The following ADAM19 variants were observed in gnomAD, a reference collection of about 807,000 sequenced individuals.
ADAM19 encodes the protein ADAM metallopeptidase domain 19, also known as disintegrin and metalloproteinase domain-containing protein 19.
Under a neutral mutation model 114.7 loss-of-function variants are expected in ADAM19, and 65 were observed. That is an observed-to-expected ratio of 0.57 (90% CI 0.46 to 0.70). The LOEUF (loss-of-function observed/expected upper bound fraction) is 0.70, where lower values mean the gene tolerates loss of function less well. Among genes scored for constraint, ADAM19 ranks in the 30% least tolerant of loss-of-function variants. The pLI is 0.00. For missense variants in ADAM19, 1,063 were observed against 1,204.7 expected (o/e 0.88, Z 1.74); for synonymous variants, 466 against 460.5 (o/e 1.01, Z -0.15).
Position 157,479,214 on chromosome 5 carries a change from C to A in ADAM19, c.*1735G>T. ...CTCATTTTCCTGAGATCTTTCTAAA[C>A]CCAACCCAGGCTTTTCCCCCAGGGG... On this transcript the variant is annotated 3_prime_UTR_variant, in exon 23 of 23. Transcript: ENST00000257527. 2 of 985,876 alleles carry A rather than the reference C, an allele frequency of 2.0e-6. No individual in the cohort carries two copies. The highest frequency in any genetic ancestry group is 2.4e-6 in the Non-Finnish European group (2 of 829,970). 61.1% of individuals were successfully genotyped at this position (985,876 alleles called of 1,614,324 possible).
At chr5:157,541,260 G>A (rs966820439) in intron 3 of ADAM19, among the ~76,000 whole-genome samples, 1 of 152,330 alleles carries the variant, frequency 6.6e-6, no homozygotes, top group Non-Finnish European at 1.5e-5. Flanking sequence ...CTCACCATTG[G>A]ATTGCATTAG....
chr5:157,527,499 C>T (rs756218337), intron 5 of ADAM19, among the ~76,000 whole-genome samples: 13 of 152,118 alleles, frequency 8.5e-5, no homozygotes, highest in Admixed American at 2.0e-4. Flanking sequence ...CGTAAGCCAC[C>T]GCACCCGGCC....
chr5:157,564,298 G>T, intron 3 of ADAM19, 75 bp downstream of exon 3: 2 of 1,412,330 alleles, frequency 1.4e-6, no homozygotes, highest in Non-Finnish European at 2.0e-6. Context: ...CTTCCTTCCA[G>T]AACAGCGACA....
chr5:157,574,763 G>C (rs1266641196), intron 1 of ADAM19, among the ~76,000 whole-genome samples: 2 of 152,206 alleles, frequency 1.3e-5, no homozygotes, highest in Admixed American at 1.3e-4. Flanking sequence ...GGGGATTGGT[G>C]TCTGGGAAAC....
Position 157,479,604 on chromosome 5 carries a change from C to G in ADAM19, c.*1345G>C. On this transcript the variant is annotated 3_prime_UTR_variant, in exon 23 of 23. Coordinates refer to ENST00000257527, the MANE Select transcript of ADAM19 (RefSeq NM_033274.5). ...CAGGAGCCACCGCAGACCCCCTCAC[C>G]TGCTCAGAGCTCTCTTTCTGTGAGG... The G allele has an allele frequency of 1.0e-6, 1 of 985,896 alleles. No individual in the cohort carries two copies. Among genetic ancestry groups the G allele is most frequent in the African/African-American group, 1.7e-5 (1 of 57,358 alleles). The allele number at this position is 985,896 out of a possible 1,614,324, so 61.1% of individuals were successfully genotyped here.
rs568142805 is a variant in ADAM19 at position 157,490,272 on chromosome 5, T to A, written c.2240+38A>T. 9.9e-6 allele frequency: 16 copies of A among 1,611,016 alleles called. No individual in the cohort carries two copies. In the South Asian group the frequency reaches 1.6e-4, roughly 17 times the overall value. On this transcript the variant is annotated intron_variant, in intron 19 of 22. Transcript: ENST00000257527. Reference sequence around the variant, plus strand: ...CATTTATGGAGACCTTTGTGACCCATAAATTGACCCTGAGTCCTCCATTGA... The same window carrying A: ...CATTTATGGAGACCTTTGTGACCCAAAAATTGACCCTGAGTCCTCCATTGA...
At chr5:157,560,655 T>C (rs1051607923) in intron 3 of ADAM19, among the ~76,000 whole-genome samples, 8 of 152,224 alleles carry the variant, frequency 5.3e-5, no homozygotes, top group South Asian at 2.1e-4. Context: ...CCAACAAAAA[T>C]AGCAGCTTCT....
chr5:157,528,103 C>T (rs552927444), intron 5 of ADAM19, among the ~76,000 whole-genome samples: 13 of 152,304 alleles, frequency 8.5e-5, no homozygotes, highest in Admixed American at 3.3e-4. Context: ...AGTGTTTTGA[C>T]GACATGGGTT....
rs531129498 is a variant in ADAM19, at chr5:157,560,041, G to A, written c.251+4332C>T. On this transcript the variant is annotated intron_variant, in intron 3 of 22. Coordinates refer to ENST00000257527, the MANE Select transcript of ADAM19 (RefSeq NM_033274.5). ...AGCACTTTGGGAGGCCGAGGCGGGC[G>A]GATCACGAGGTCAGGAGATCGAGAC... Among the ~76,000 whole-genome samples the A allele has an allele frequency of 5.3e-5, 8 of 151,904 alleles. No individual in the cohort carries two copies. The South Asian group carries it at 6.2e-4, about 12-fold the overall frequency.
At chr5:157,567,810 A>T (rs960902856) in intron 2 of ADAM19, among the ~76,000 whole-genome samples, 28 of 152,078 alleles carry the variant, frequency 1.8e-4, no homozygotes, top group Admixed American at 6.5e-4. Context: ...CAAAAAAAAA[A>T]AATAAAAAAG....
At chr5:157,564,524 G>C in intron 2 of ADAM19, 81 bp from the exon 3 acceptor site, 1 of 1,161,838 alleles carries the variant, frequency 8.6e-7, no homozygotes, top group South Asian at 1.2e-5. Flanking sequence ...CTAGCACAGC[G>C]CTCCAACATT....
At chr5:157,568,363 A>T (rs568195300) in intron 2 of ADAM19, 2 of 151,270 alleles carry the variant, frequency 1.3e-5, no homozygotes, top group African/African-American at 4.9e-5. Context: ...TTAAAAAAGG[A>T]TGTTCCCTTT....
intron 1 of ADAM19, among the ~76,000 whole-genome samples, chr5:157,573,083 G>C (rs1757875363): frequency 6.6e-6 from 1 of 152,108 alleles, no homozygotes; most frequent in African/African-American, 2.4e-5. Flanking sequence ...GCTCTGATAA[G>C]TCTATATTAT....
intron 3 of ADAM19, among the ~76,000 whole-genome samples, chr5:157,555,646 A>G (rs962262149): frequency 3.9e-5 from 6 of 152,214 alleles, no homozygotes; most frequent in African/African-American, 1.4e-4. Flanking sequence ...ATTGTCATAC[A>G]TTATCTCCTA....
At chr5:157,483,784 C>A (rs1754838569) in intron 21 of ADAM19, among the ~76,000 whole-genome samples, 1 of 152,044 alleles carries the variant, frequency 6.6e-6, no homozygotes, top group Non-Finnish European at 1.5e-5. Flanking sequence ...CAGGCACCCA[C>A]CACCATGCCC....
At chr5:157,516,159 G>A (rs1274492111) in intron 7 of ADAM19, among the ~76,000 whole-genome samples, 2 of 152,168 alleles carry the variant, frequency 1.3e-5, no homozygotes, top group Non-Finnish European at 2.9e-5. Context: ...AGGTGGAGAG[G>A]GGATGATTCG....
At chr5:157,574,217 A>G (rs1757907586) in intron 1 of ADAM19, among the ~76,000 whole-genome samples, 2 of 152,174 alleles carry the variant, frequency 1.3e-5, no homozygotes, top group Admixed American at 6.5e-5. Flanking sequence ...GTTGCAGATC[A>G]TTTTCTTTTA....
intron 3 of ADAM19, 24 bp from the exon 4 acceptor site, chr5:157,538,015 T>C: frequency 6.3e-7 from 1 of 1,591,718 alleles, no homozygotes. Flanking sequence ...AAAGAGACAT[T>C]TATATCATAA....
intron 5 of ADAM19, among the ~76,000 whole-genome samples, chr5:157,520,636 T>C (rs1756258901): frequency 6.6e-6 from 1 of 152,174 alleles, no homozygotes; most frequent in African/African-American, 2.4e-5. Context: ...AACACGGCAA[T>C]GATAACTTAT....
Sources: allele counts gnomAD v4.1 joint callset (sites outside exome capture counted in the v4.1 genomes callset), GRCh38; gene constraint gnomAD v4.1.1; transcripts MANE v1.5; gene names NCBI Gene and HGNC (gene_info 2026-07-23, HGNC 2026-07-21).